Variants in FGD6 observed in about 807,000 individuals in gnomAD.
The protein encoded by FGD6 is FYVE, RhoGEF and PH domain containing 6, also known as FYVE, RhoGEF and PH domain-containing protein 6.
A neutral mutation model predicts 149.4 loss-of-function variants in FGD6; 90 were observed. The observed-to-expected ratio is 0.60, with a 90% CI of 0.51 to 0.72. The LOEUF (loss-of-function observed/expected upper bound fraction) is 0.72. Among genes scored for constraint, FGD6 ranks in the 30% least tolerant of loss-of-function variants. The pLI, the probability that FGD6 is intolerant of heterozygous loss-of-function variation, is 0.00. For missense variants in FGD6, 1,437 were observed against 1,684.8 expected, an observed-to-expected ratio of 0.85 and a Z score of 2.57; for synonymous variants, 527 against 584.0, an observed-to-expected ratio of 0.90 and a Z score of 1.41.
At chr12:95,208,534 T>C (rs1196294869) in intron 2 of FGD6, among the ~76,000 whole-genome samples, 2 of 152,184 alleles carry the variant, frequency 1.3e-5, no homozygotes, top group East Asian at 1.9e-4. Context: ...TTTCCTGATA[T>C]GACTTCTGAG....
At chr12:95,168,282 G>A (rs765859145) in intron 3 of FGD6, among the ~76,000 whole-genome samples, 10 of 152,096 alleles carry the variant, frequency 6.6e-5, no homozygotes, top group Admixed American at 1.3e-4. Context: ...GATAAGAAAA[G>A]CCAAGCCAGA....
intron 2 of FGD6, among the ~76,000 whole-genome samples, chr12:95,191,091 T>A (rs937455079): frequency 6.6e-6 from 1 of 152,148 alleles, no homozygotes; most frequent in Non-Finnish European, 1.5e-5. Context: ...AAGTGATACA[T>A]CTTCTTTGCA....
chr12:95,168,930 A>G (rs1248950809), intron 3 of FGD6, among the ~76,000 whole-genome samples: 1 of 152,244 alleles, frequency 6.6e-6, no homozygotes, highest in Non-Finnish European at 1.5e-5. Context: ...CTATGAAAGC[A>G]AATTACTTAA....
chr12:95,136,281 C>T (rs1235643270), intron 7 of FGD6, among the ~76,000 whole-genome samples: 1 of 152,116 alleles, frequency 6.6e-6, no homozygotes, highest in African/African-American at 2.4e-5. Context: ...TCACGTGAAC[C>T]TCGGAGGCAG....
chr12:95,111,875 T>C (rs915362886), intron 9 of FGD6, among the ~76,000 whole-genome samples: 6 of 152,050 alleles, frequency 3.9e-5, no homozygotes, highest in Non-Finnish European at 8.8e-5. Flanking sequence ...AAAGAATATA[T>C]AAGAATCTCT....
At chr12:95,152,682 A>G (rs1880345103) in intron 5 of FGD6, 129 bp downstream of exon 5, 2 of 792,738 alleles carry the variant, frequency 2.5e-6, no homozygotes, top group African/African-American at 3.5e-5. Context: ...CATGTTATCT[A>G]CATATATGAA....
At chr12:95,100,573 T>TC (rs1878393484) in intron 14 of FGD6, 1 of 420,518 alleles carries the variant, frequency 2.4e-6, no homozygotes, top group African/African-American at 2.1e-5. Context: ...CTGTATCTGT[T>TC]CCCACGACTT....
intron 15 of FGD6, 105 bp from the exon 16 acceptor site, chr12:95,092,950 G>T: frequency 7.7e-7 from 1 of 1,294,592 alleles, no homozygotes; most frequent in Non-Finnish European, 1.1e-6. Flanking sequence ...GTCAGGCACA[G>T]CAGCTCACGC....
intron 5 of FGD6, among the ~76,000 whole-genome samples, chr12:95,147,945 A>C (rs1343792862): frequency 6.6e-5 from 10 of 152,142 alleles, no homozygotes; most frequent in Admixed American, 3.9e-4. Context: ...CAAGTCCCTG[A>C]AGGCTTGGAA....
At chr12:95,190,192 T>C (rs151263790) in intron 2 of FGD6, among the ~76,000 whole-genome samples, 35 of 152,320 alleles carry the variant, frequency 2.3e-4, no homozygotes, top group African/African-American at 8.2e-4. Flanking sequence ...GTTTTTGAAA[T>C]GGAGTCTTGC....
chr12:95,204,842 A>C (rs2056685433), intron 2 of FGD6, among the ~76,000 whole-genome samples: 1 of 152,204 alleles, frequency 6.6e-6, no homozygotes. Context: ...CTTCACCACC[A>C]TTTCAAAGCT....
chr12:95,168,793 T>G (rs1044960055), intron 3 of FGD6, among the ~76,000 whole-genome samples: 1 of 152,236 alleles, frequency 6.6e-6, no homozygotes, highest in Admixed American at 6.5e-5. Flanking sequence ...GTGTCCACTT[T>G]TTTTCCTCTT....
chr12:95,203,269 G>A (rs2056672189), intron 2 of FGD6, among the ~76,000 whole-genome samples: 6 of 152,134 alleles, frequency 3.9e-5, no homozygotes, highest in Admixed American at 3.9e-4. Flanking sequence ...TTGAATTCTG[G>A]TGCTTGAAGA....
chr12:95,209,148 A>G lies in FGD6; in HGVS notation c.2136T>C (p.Ser712=). 6.2e-7 allele frequency: 1 copy of G among 1,614,116 alleles called. No homozygotes were observed. Among genetic ancestry groups the G allele is most frequent in the Non-Finnish European group, 8.5e-7 (1 of 1,180,016 alleles). Residue 712 remains serine (S), a synonymous_variant, in exon 2 of 21, where the codon AGT becomes AGC. Transcript: ENST00000343958. Reference sequence around the variant, plus strand: ...ACTCAGCTCTCAGACCATTAGCTGCACTGGTCTGGCCCCGAGACTTCTTCC... The same window carrying G: ...ACTCAGCTCTCAGACCATTAGCTGCGCTGGTCTGGCCCCGAGACTTCTTCC... ...KKRKKSRGQT[S]AANGLRAESL...
chr12:95,111,122 C>G (rs1211731384), intron 9 of FGD6, among the ~76,000 whole-genome samples: 3 of 152,110 alleles, frequency 2.0e-5, no homozygotes, highest in Non-Finnish European at 2.9e-5. Context: ...CCTGGTATTA[C>G]AGGCATGCAC....
At chr12:95,111,742 G>C (rs941934184) in intron 9 of FGD6, among the ~76,000 whole-genome samples, 3 of 151,962 alleles carry the variant, frequency 2.0e-5, no homozygotes, top group Non-Finnish European at 4.4e-5. Context: ...TCATCAACTA[G>C]ATATGATCAC....
At chr12:95,087,044 C>T (rs140993721) in intron 18 of FGD6, among the ~76,000 whole-genome samples, 165 of 150,618 alleles carry the variant, frequency 1.1e-3, no homozygotes, top group African/African-American at 3.8e-3. Context: ...GACAGGGTTT[C>T]GCCATGTTGG....
intron 9 of FGD6, among the ~76,000 whole-genome samples, chr12:95,111,158 T>G (rs542583095): frequency 6.6e-6 from 1 of 152,198 alleles, no homozygotes; most frequent in Non-Finnish European, 1.5e-5. Context: ...ATCTTTGTAT[T>G]TTTAGTAGCA....
chr12:95,156,050 C>T (rs549852961), intron 3 of FGD6, among the ~76,000 whole-genome samples: 1 of 152,138 alleles, frequency 6.6e-6, no homozygotes, highest in Non-Finnish European at 1.5e-5. Flanking sequence ...CCTTCGTAAG[C>T]TGAGGGGGAT....
Sources: allele counts gnomAD v4.1 joint callset (sites outside exome capture counted in the v4.1 genomes callset), GRCh38; gene constraint gnomAD v4.1.1; transcripts MANE v1.5; gene names NCBI Gene and HGNC (gene_info 2026-07-23, HGNC 2026-07-21).